TSPAN18: variants seen among roughly 807,000 people sequenced by gnomAD.
TSPAN18 encodes tetraspanin-18.
In TSPAN18, 14 loss-of-function variants were observed where a neutral mutation model predicts 27.3. That is an observed-to-expected ratio of 0.51 (90% CI 0.34 to 0.80). The LOEUF (loss-of-function observed/expected upper bound fraction) is 0.80, where lower values mean the gene tolerates loss of function less well. TSPAN18 is among the 30% of genes least tolerant of loss of function. The probability of loss-of-function intolerance (pLI) is 0.01; values close to 1 mark genes in which losing one functional copy is unlikely to be tolerated. For synonymous variants in TSPAN18, 143 were observed against 136.5 expected (o/e 1.05, Z -0.33); for missense variants, 268 against 323.9 (o/e 0.83, Z 1.32).
intron 3 of TSPAN18, among the ~76,000 whole-genome samples, chr11:44,865,038 T>C (rs1433413344): frequency 6.6e-6 from 1 of 152,244 alleles, no homozygotes; most frequent in Non-Finnish European, 1.5e-5. Context: ...CCGGGGTGGT[T>C]GGACATACCA....
At chr11:44,873,767 C>T (rs564391560) in intron 3 of TSPAN18, among the ~76,000 whole-genome samples, 165 of 152,310 alleles carry the variant, frequency 1.1e-3, no homozygotes, top group African/African-American at 3.8e-3. Context: ...TAGGATGTGC[C>T]TGTTACCTGG....
At chr11:44,874,108 T>C (rs1162492688) in intron 3 of TSPAN18, among the ~76,000 whole-genome samples, 3 of 152,208 alleles carry the variant, frequency 2.0e-5, no homozygotes, top group Non-Finnish European at 4.4e-5. Context: ...GACACATTCC[T>C]GCTCCACCAT....
At chr11:44,924,719 T>A (rs1860282985) in intron 8 of TSPAN18, among the ~76,000 whole-genome samples, 2 of 149,484 alleles carry the variant, frequency 1.3e-5, no homozygotes, top group Non-Finnish European at 3.0e-5. Flanking sequence ...GTTCTGCATT[T>A]TAGGGTTCTA....
In TSPAN18 at chr11:44,917,977, C is replaced by T; in HGVS notation, c.264C>T (p.Phe88=). 6.2e-7 allele frequency: 1 copy of T among 1,614,142 alleles called. No homozygotes were observed. Among genetic ancestry groups the T allele is most frequent in the Non-Finnish European group, 8.5e-7 (1 of 1,180,016 alleles). ...RENKCLLLFF[F]LFILIIFLAE... The stretch of plus-strand genomic sequence containing the variant: ...GGCTGTTCCTCTCCCTGCAGTTCTT[C>T]CTGTTCATCCTGATCATCTTCCTGG... The change falls in exon 6 of 10, where the codon TTC becomes TTT. Residue 88 remains phenylalanine, a synonymous_variant. Coordinates refer to ENST00000520358, the MANE Select transcript of TSPAN18 (RefSeq NM_130783.5).
At chr11:44,791,452 C>G (rs1374550944) in intron 2 of TSPAN18, among the ~76,000 whole-genome samples, 2 of 152,216 alleles carry the variant, frequency 1.3e-5, no homozygotes, top group African/African-American at 4.8e-5. Context: ...CCATCTGTCC[C>G]CCGACATGTG....
At chr11:44,795,735 C>G (rs923922462) in intron 2 of TSPAN18, among the ~76,000 whole-genome samples, 7 of 152,034 alleles carry the variant, frequency 4.6e-5, no homozygotes, top group African/African-American at 1.7e-4. Flanking sequence ...CACCAGACCC[C>G]GCTGGAGTCT....
intron 1 of TSPAN18, among the ~76,000 whole-genome samples, chr11:44,742,381 A>C (rs1392579036): frequency 2.7e-5 from 3 of 111,520 alleles, no homozygotes; most frequent in Admixed American, 1.1e-4. Context: ...TCCCTCCCCC[A>C]TTTTTTCTTT....
At chr11:44,740,568 C>T (rs1463263371) in intron 1 of TSPAN18, among the ~76,000 whole-genome samples, 1 of 152,150 alleles carries the variant, frequency 6.6e-6, no homozygotes, top group Non-Finnish European at 1.5e-5. Context: ...AGTGGCCGAG[C>T]TCAGAGGCTG....
rs578006997 is a variant in TSPAN18 at position 44,728,542 on chromosome 11, A to G, written c.-240+1255A>G. 2.0e-5 allele frequency among the ~76,000 whole-genome samples: 3 copies of G among 151,860 alleles called. No homozygotes were observed. The East Asian group carries it at 5.8e-4, about 30-fold the overall frequency. The stretch of plus-strand genomic sequence containing the variant: ...GGAGGCACAGGGCGGGCGGTGGGGG[A>G]TGGGGCCTTAAAGACTTCAGCAGTC... On this transcript the variant is annotated intron_variant, in intron 1 of 9. Transcript: ENST00000520358.
intron 2 of TSPAN18, among the ~76,000 whole-genome samples, chr11:44,823,185 C>G (rs1231601127): frequency 1.3e-5 from 2 of 152,226 alleles, no homozygotes; most frequent in Non-Finnish European, 2.9e-5. Context: ...CTTGCTCAGC[C>G]CCAGGCCTAC....
intron 2 of TSPAN18, among the ~76,000 whole-genome samples, chr11:44,781,177 G>A (rs1015418950): frequency 6.6e-6 from 1 of 152,220 alleles, no homozygotes; most frequent in African/African-American, 2.4e-5. Flanking sequence ...GTAGAGTAGA[G>A]ATAGGAAGAC....
At chr11:44,764,342 G>A (rs1457675046) in intron 1 of TSPAN18, 84 bp from the exon 2 acceptor site, 1 of 152,244 alleles carries the variant, frequency 6.6e-6, no homozygotes, top group Non-Finnish European at 1.5e-5. Flanking sequence ...GGAGACCTTG[G>A]GGAGTGGGAG....
At chr11:44,904,975 AC>A (rs1274579504) in intron 3 of TSPAN18, among the ~76,000 whole-genome samples, 8 of 152,172 alleles carry the variant, frequency 5.3e-5, no homozygotes, top group Non-Finnish European at 1.0e-4. Flanking sequence ...CTTGGTGGTT[AC>A]AAGGATTAAA....
intron 2 of TSPAN18, among the ~76,000 whole-genome samples, chr11:44,826,391 TC>T (rs1226279992): frequency 6.6e-6 from 1 of 152,164 alleles, no homozygotes; most frequent in Non-Finnish European, 1.5e-5. Context: ...GCCATTGCAC[TC>T]CAGCCTGGGC....
At chr11:44,817,616 G>A (rs1856842073) in intron 2 of TSPAN18, among the ~76,000 whole-genome samples, 2 of 152,234 alleles carry the variant, frequency 1.3e-5, no homozygotes, top group Non-Finnish European at 2.9e-5. Context: ...TCATGCCTCT[G>A]CTCTGACATC....
intron 2 of TSPAN18, among the ~76,000 whole-genome samples, chr11:44,828,278 T>A (rs1857085239): frequency 6.6e-6 from 1 of 152,162 alleles, no homozygotes; most frequent in South Asian, 2.1e-4. Flanking sequence ...CCGAATCCGG[T>A]TCAGTTCTCT....
In TSPAN18 at chr11:44,803,009, C is replaced by G. The variant is rs146863977; in HGVS notation, c.-153+38497C>G. On this transcript the variant is annotated intron_variant, in intron 2 of 9. Coordinates refer to ENST00000520358, the MANE Select transcript of TSPAN18 (RefSeq NM_130783.5). ...GGGGCACAAGTGAGTCTTTCACTCACTACCCATTGATTGAGGGCCTGACAC... is the reference window on the plus strand; with the variant it reads ...GGGGCACAAGTGAGTCTTTCACTCAGTACCCATTGATTGAGGGCCTGACAC... Among the ~76,000 whole-genome samples, 206 of 152,248 alleles carry G rather than the reference C, an allele frequency of 1.4e-3. No individual in the cohort carries two copies. The Middle Eastern group carries it at 0.027, about 20-fold the overall frequency.
chr11:44,778,996 A>G (rs10769082), intron 2 of TSPAN18, among the ~76,000 whole-genome samples: 54,159 of 151,890 alleles, frequency 0.36, 10,435 homozygotes, highest in East Asian at 0.75. Context: ...GGCTCGGTCT[A>G]TGCAGTAAGA....
At chr11:44,908,723 G>T (rs1859548765) in intron 4 of TSPAN18, among the ~76,000 whole-genome samples, 1 of 134,750 alleles carries the variant, frequency 7.4e-6, no homozygotes, top group African/African-American at 2.8e-5. Context: ...AGCAGAGCAA[G>T]ACTGTCTCAA....
Sources: allele counts gnomAD v4.1 joint callset (sites outside exome capture counted in the v4.1 genomes callset), GRCh38; gene constraint gnomAD v4.1.1; transcripts MANE v1.5; gene names NCBI Gene and HGNC (gene_info 2026-07-23, HGNC 2026-07-21).